The following PTPN14 variants were observed in gnomAD, a reference collection of about 807,000 sequenced individuals.
The protein encoded by PTPN14 is tyrosine-protein phosphatase non-receptor type 14.
In PTPN14, 53 loss-of-function variants were observed where a neutral mutation model predicts 126.8. That is an observed-to-expected ratio of 0.42 (90% confidence interval 0.34 to 0.53). PTPN14 has a LOEUF of 0.53. Among genes scored for constraint, PTPN14 ranks in the 20% least tolerant of loss-of-function variants. The pLI, the probability that PTPN14 is intolerant of heterozygous loss-of-function variation, is 0.08. For missense variants in PTPN14, 1,257 were observed against 1,552.9 expected (o/e 0.81, Z 3.20); for synonymous variants, 630 against 599.3 (o/e 1.05, Z -0.75).
intron 1 of PTPN14, among the ~76,000 whole-genome samples, chr1:214,521,438 C>T (rs943097893): frequency 6.6e-6 from 1 of 152,186 alleles, no homozygotes; most frequent in African/African-American, 2.4e-5. Context: ...AACGGCCAGG[C>T]GTGGTGGCTC....
chr1:214,433,363 A>G (rs763127906), intron 3 of PTPN14, among the ~76,000 whole-genome samples: 1 of 152,012 alleles, frequency 6.6e-6, no homozygotes, highest in Non-Finnish European at 1.5e-5. Flanking sequence ...GTAACAAATG[A>G]CATGAGGAAG....
intron 1 of PTPN14, among the ~76,000 whole-genome samples, chr1:214,496,932 A>G (rs573674126): frequency 2.4e-4 from 35 of 148,504 alleles, no homozygotes; most frequent in African/African-American, 8.7e-4. Flanking sequence ...AAATCATAAA[A>G]GTGCTAGAAA....
intron 1 of PTPN14, among the ~76,000 whole-genome samples, chr1:214,497,151 A>G (rs1400928927): frequency 1.3e-5 from 2 of 152,138 alleles, no homozygotes; most frequent in Non-Finnish European, 1.5e-5. Flanking sequence ...TAAAGAAAGA[A>G]AACAACAACC....
intron 1 of PTPN14, among the ~76,000 whole-genome samples, chr1:214,465,916 G>A (rs1189588371): frequency 1.5e-5 from 2 of 134,682 alleles, no homozygotes; most frequent in Admixed American, 1.6e-4. Flanking sequence ...ATGATAAAGT[G>A]GTGGCAATAT....
chr1:214,528,086 A>G (rs2102465689), intron 1 of PTPN14, among the ~76,000 whole-genome samples: 1 of 152,348 alleles, frequency 6.6e-6, no homozygotes, highest in Admixed American at 6.5e-5. Context: ...TGTATAAAAC[A>G]AAACAGTGAC....
intron 1 of PTPN14, among the ~76,000 whole-genome samples, chr1:214,536,779 G>A (rs1571656034): frequency 6.6e-6 from 1 of 152,272 alleles, no homozygotes; most frequent in African/African-American, 2.4e-5. Context: ...TTACAAGTAT[G>A]AAATTATGTC....
chr1:214,506,779 G>A (rs931166006), intron 1 of PTPN14, among the ~76,000 whole-genome samples: 5 of 151,646 alleles, frequency 3.3e-5, no homozygotes, highest in Non-Finnish European at 5.9e-5. Context: ...GGGAGACCTC[G>A]AATTTTTCTT....
At chr1:214,369,283 T>C (rs1339425930) in intron 17 of PTPN14, among the ~76,000 whole-genome samples, 174 bp downstream of exon 17, 1 of 152,222 alleles carries the variant, frequency 6.6e-6, no homozygotes, top group Non-Finnish European at 1.5e-5. Flanking sequence ...ATAAGTGACA[T>C]GTATTATTAT....
At chr1:214,418,490 C>A (rs561573858) in intron 3 of PTPN14, among the ~76,000 whole-genome samples, 1 of 152,348 alleles carries the variant, frequency 6.6e-6, no homozygotes, top group Admixed American at 6.5e-5. Flanking sequence ...TGGCCACAAC[C>A]AGATCTGGGC....
rs550230585 is a variant in PTPN14 at position 214,349,895 on chromosome 1, C to T, written c.*8027G>A. On this transcript the variant is annotated 3_prime_UTR_variant, in exon 19 of 19. Coordinates refer to ENST00000366956, the MANE Select transcript of PTPN14 (RefSeq NM_005401.5). ...ATGTATTAGCTAACACTGCAGTTGT[C>T]AGAGGTGGGAGGCCCCTGAGAAATG... 8 of 152,282 alleles carry T rather than the reference C, an allele frequency of 5.3e-5. No individual in the cohort carries two copies. The highest frequency in any genetic ancestry group is 1.0e-4 in the Non-Finnish European group (7 of 68,026). 9.4% of individuals were successfully genotyped at this position (152,282 alleles called of 1,614,324 possible).
Position 214,384,904 on chromosome 1 carries a change from C to CGGCCGGGCGCGGTGGCTCACGCCTGT in PTPN14, c.1067-117_1067-116insACAGGCGTGAGCCACCGCGCCCGGCC. The CGGCCGGGCGCGGTGGCTCACGCCTGT allele has an allele frequency of 8.2e-7, 1 of 1,226,808 alleles. No homozygotes were observed. The highest frequency in any genetic ancestry group is 1.1e-6 in the Non-Finnish European group (1 of 886,456). The allele number at this position is 1,226,808 out of a possible 1,614,324, so 76.0% of individuals were successfully genotyped here. Reference sequence around the variant, plus strand: ...AAACAAATCATAAAAAGTGAAATCCCATGGTCTCCACCCACATGTTCTATA... The same window carrying CGGCCGGGCGCGGTGGCTCACGCCTGT: ...AAACAAATCATAAAAAGTGAAATCCCGGCCGGGCGCGGTGGCTCACGCCTGTATGGTCTCCACCCACATGTTCTATA... On this transcript the variant is annotated intron_variant, in intron 12 of 18. Coordinates refer to ENST00000366956, the MANE Select transcript of PTPN14 (RefSeq NM_005401.5). The surrounding 1 kb of genome is among the most constrained non-coding windows in gnomAD (Gnocchi z 5.3).
At chr1:214,522,934 C>G (rs949013837) in intron 1 of PTPN14, among the ~76,000 whole-genome samples, 7 of 152,108 alleles carry the variant, frequency 4.6e-5, no homozygotes, top group African/African-American at 1.7e-4. Context: ...GGCAGTCACT[C>G]GGCCTATTCA....
intron 1 of PTPN14, among the ~76,000 whole-genome samples, chr1:214,544,265 C>T (rs528535569): frequency 1.1e-4 from 17 of 151,852 alleles, no homozygotes; most frequent in African/African-American, 4.1e-4. Context: ...TCCATCTGTA[C>T]AAAAATTTTT....
intron 1 of PTPN14, among the ~76,000 whole-genome samples, chr1:214,546,601 G>A (rs1286739223): frequency 6.6e-6 from 1 of 152,144 alleles, no homozygotes; most frequent in South Asian, 2.1e-4. Flanking sequence ...AACGTGAAGA[G>A]GATATTTTTC....
At chr1:214,402,777 G>GTGT in intron 6 of PTPN14, 106 bp downstream of exon 6, 1 of 1,250,812 alleles carries the variant, frequency 8.0e-7, no homozygotes, top group Non-Finnish European at 1.2e-6. Context: ...AAATACAAGT[G>GTGT]TGTTGGCTCA....
At chr1:214,414,155 C>T (rs545898800) in intron 4 of PTPN14, among the ~76,000 whole-genome samples, 1 of 152,114 alleles carries the variant, frequency 6.6e-6, no homozygotes, top group Non-Finnish European at 1.5e-5. Flanking sequence ...CAGTCCAATA[C>T]ACATTTGTTG....
intron 1 of PTPN14, among the ~76,000 whole-genome samples, chr1:214,526,000 C>T (rs1484602013): frequency 6.8e-6 from 1 of 146,396 alleles, no homozygotes; most frequent in East Asian, 2.0e-4. Context: ...GAGGCTTGCG[C>T]TGTCACCCAG....
intron 5 of PTPN14, among the ~76,000 whole-genome samples, chr1:214,407,767 C>A (rs1005442066): frequency 3.3e-5 from 5 of 152,160 alleles, no homozygotes; most frequent in Admixed American, 1.3e-4. Context: ...TCTTGTTTTT[C>A]TTTCACTAAC....
At chr1:214,374,797 A>G (rs900547779) in intron 15 of PTPN14, among the ~76,000 whole-genome samples, 1 of 152,248 alleles carries the variant, frequency 6.6e-6, no homozygotes, top group African/African-American at 2.4e-5. Flanking sequence ...CGATGGGCAC[A>G]GTTTATACAA....
Sources: allele counts gnomAD v4.1 joint callset (sites outside exome capture counted in the v4.1 genomes callset), GRCh38; gene constraint gnomAD v4.1.1; non-coding constraint Gnocchi (gnomAD v3.1); transcripts MANE v1.5; gene names NCBI Gene and HGNC (gene_info 2026-07-23, HGNC 2026-07-21).